The following ZDHHC17 variants were observed in gnomAD, a reference collection of about 807,000 sequenced individuals.
ZDHHC17 encodes the protein zDHHC palmitoyltransferase 17, also known as palmitoyltransferase ZDHHC17.
Under a neutral mutation model 90.3 loss-of-function variants are expected in ZDHHC17, and 40 were observed. The observed-to-expected ratio is 0.44, with a 90% CI of 0.34 to 0.58. ZDHHC17 has a LOEUF of 0.58. Ranked by LOEUF, ZDHHC17 falls within the 20% of genes least tolerant of loss-of-function variation. ZDHHC17 has a pLI of 0.01. For synonymous variants in ZDHHC17, 235 were observed against 252.4 expected, an observed-to-expected ratio of 0.93 and a Z score of 0.65; for missense variants, 614 against 780.8, an observed-to-expected ratio of 0.79 and a Z score of 2.55.
At position 76,828,420 on chromosome 12, in the gene ZDHHC17, A is replaced by G; in HGVS notation, c.1071A>G (p.Ala357=). ...TTTTCGATCATTCAATGCATAGTGC[A>G]TTGCCCCTTGGGATATATTTGGCAA... ...KSFFDHSMHS[A]LPLGIYLATK... is the part of the protein sequence containing the mutation. Residue 357 remains alanine, a synonymous_variant, in exon 10 of 17, where the codon GCA becomes GCG. Coordinates refer to ENST00000426126, the MANE Select transcript of ZDHHC17 (RefSeq NM_015336.4). 1.2e-6 allele frequency: 2 copies of G among 1,612,718 alleles called. No homozygotes were observed. The highest frequency in any genetic ancestry group is 1.7e-6 in the Non-Finnish European group (2 of 1,179,288).
chr12:76,815,785 T>G, intron 6 of ZDHHC17, 72 bp from the exon 7 acceptor site: 1 of 1,405,544 alleles, frequency 7.1e-7, no homozygotes, highest in Non-Finnish European at 9.3e-7. Flanking sequence ...ATCAGTTTAG[T>G]ATTTGTAATG....
intron 10 of ZDHHC17, among the ~76,000 whole-genome samples, chr12:76,839,556 GA>G (rs1953407015): frequency 6.6e-6 from 1 of 152,058 alleles, no homozygotes; most frequent in African/African-American, 2.4e-5. Context: ...AATAAAATGA[GA>G]GCTGCATTTC....
chr12:76,811,134 A>G (rs116387261), intron 5 of ZDHHC17, among the ~76,000 whole-genome samples: 2,118 of 150,200 alleles, frequency 0.014, 47 homozygotes, highest in African/African-American at 0.049. Context: ...TCTCCATTCT[A>G]TCAGTTAAAG....
In ZDHHC17 at chr12:76,815,093, G is replaced by A. The variant is rs1953068700; in HGVS notation, c.544-53G>A. The A allele has an allele frequency of 3.0e-6, 4 of 1,334,356 alleles. No homozygotes were observed. The Admixed American group carries it at 8.8e-5, about 29-fold the overall frequency. 82.7% of individuals were successfully genotyped at this position (1,334,356 alleles called of 1,614,324 possible). On this transcript the variant is annotated intron_variant, in intron 5 of 16. Coordinates refer to ENST00000426126, the MANE Select transcript of ZDHHC17 (RefSeq NM_015336.4). Reference sequence around the variant, plus strand: ...AGATTAGATTTTTCCAAGCAAATTTGGTTAGGAACTTATAATTTAACTGTC... The same window carrying A: ...AGATTAGATTTTTCCAAGCAAATTTAGTTAGGAACTTATAATTTAACTGTC...
chr12:76,775,357 G>C (rs1952546911), intron 1 of ZDHHC17, among the ~76,000 whole-genome samples: 1 of 151,970 alleles, frequency 6.6e-6, no homozygotes, highest in African/African-American at 2.4e-5. Context: ...CAGTGTTCTT[G>C]GTGGCTCATA....
intron 10 of ZDHHC17, among the ~76,000 whole-genome samples, chr12:76,835,594 T>C (rs1953353785): frequency 6.6e-6 from 1 of 152,168 alleles, no homozygotes; most frequent in Non-Finnish European, 1.5e-5. Flanking sequence ...TGATTAGTTA[T>C]TGACAACAAC....
rs558799455 is a variant in ZDHHC17, at chr12:76,812,245, G to A, written c.543+2388G>A. Among the ~76,000 whole-genome samples, 15 of 152,192 alleles carry A rather than the reference G, an allele frequency of 9.9e-5. No homozygotes were observed. In the East Asian group the frequency reaches 1.2e-3, roughly 12 times the overall value. On this transcript the variant is annotated intron_variant, in intron 5 of 16. Coordinates refer to ENST00000426126, the MANE Select transcript of ZDHHC17 (RefSeq NM_015336.4). Reference sequence around the variant, plus strand: ...TTTCTCTGTGCTAGAGCACTGTGCCGTTTAACCCCTGGATACCTTTGAGCT... The same window carrying A: ...TTTCTCTGTGCTAGAGCACTGTGCCATTTAACCCCTGGATACCTTTGAGCT...
chr12:76,829,717 C>T (rs1294867963), intron 10 of ZDHHC17, among the ~76,000 whole-genome samples: 1 of 152,134 alleles, frequency 6.6e-6, no homozygotes, highest in East Asian at 1.9e-4. Flanking sequence ...AATCTTCTCA[C>T]CTCTTTTGCC....
At position 76,764,131 on chromosome 12, in the gene ZDHHC17, A is replaced by G. The variant is rs1952394742; in HGVS notation, c.-106A>G. On this transcript the variant is annotated 5_prime_UTR_variant, in exon 1 of 17. Coordinates refer to ENST00000426126, the MANE Select transcript of ZDHHC17 (RefSeq NM_015336.4). ...AGAGGGGGCGTCACGGGGGCAGGAG[A>G]AGAAGGAGGAGGAGGCCCGCGTCGC... The G allele has an allele frequency of 3.6e-6, 3 of 844,594 alleles. No individual in the cohort carries two copies. The highest frequency in any genetic ancestry group is 5.4e-6 in the Non-Finnish European group (3 of 553,472). The allele number at this position is 844,594 out of a possible 1,614,324, so 52.3% of individuals were successfully genotyped here.
intron 4 of ZDHHC17, among the ~76,000 whole-genome samples, chr12:76,809,487 T>A (rs1265438945): frequency 7.9e-5 from 12 of 152,154 alleles, no homozygotes; most frequent in Admixed American, 7.9e-4. Context: ...TTACTATATA[T>A]TTAAATAAGT....
intron 8 of ZDHHC17, among the ~76,000 whole-genome samples, chr12:76,825,382 A>G (rs1334059027): frequency 1.3e-5 from 2 of 152,200 alleles, no homozygotes; most frequent in African/African-American, 4.8e-5. Flanking sequence ...ATATAGTTGA[A>G]AATTTTCCTA....
intron 12 of ZDHHC17, 49 bp from the exon 13 acceptor site, chr12:76,845,660 C>A: frequency 2.6e-6 from 2 of 781,558 alleles, no homozygotes; most frequent in Non-Finnish European, 3.9e-6. Context: ...GTCAGCTTTT[C>A]TCTCTTAGTA....
chr12:76,791,055 AAATAT>A (rs1952753775), intron 1 of ZDHHC17, among the ~76,000 whole-genome samples: 1 of 152,192 alleles, frequency 6.6e-6, no homozygotes, highest in African/African-American at 2.4e-5. Context: ...ACCTGTATTG[AAATAT>A]CACTCTGTAT....
intron 5 of ZDHHC17, among the ~76,000 whole-genome samples, chr12:76,813,877 G>C (rs997316204): frequency 5.9e-5 from 9 of 152,182 alleles, no homozygotes; most frequent in Admixed American, 3.9e-4. Flanking sequence ...AAGAATTAAA[G>C]TAATTTAGCC....
intron 5 of ZDHHC17, among the ~76,000 whole-genome samples, chr12:76,814,929 TAAAAG>T (rs1163498542): frequency 2.0e-5 from 3 of 151,952 alleles, no homozygotes; most frequent in African/African-American, 7.2e-5. Flanking sequence ...TAAAACATCT[TAAAAG>T]GGAATAATGT....
intron 13 of ZDHHC17, among the ~76,000 whole-genome samples, 183 bp downstream of exon 13, chr12:76,845,985 G>A (rs1335749163): frequency 6.6e-6 from 1 of 152,156 alleles, no homozygotes; most frequent in Admixed American, 6.5e-5. Flanking sequence ...TACAAAATTA[G>A]TGGCTGATAC....
chr12:76,811,108 ACACAG>A (rs995252031), intron 5 of ZDHHC17, among the ~76,000 whole-genome samples: 26 of 152,154 alleles, frequency 1.7e-4, no homozygotes, highest in African/African-American at 6.0e-4. Flanking sequence ...TCTTGAACTG[ACACAG>A]CAACGTTTTT....
At chr12:76,773,973 G>A (rs1202060039) in intron 1 of ZDHHC17, among the ~76,000 whole-genome samples, 2 of 152,144 alleles carry the variant, frequency 1.3e-5, no homozygotes, top group Non-Finnish European at 1.5e-5. Context: ...TTCTGGCTGA[G>A]TGCGGTGGCT....
intron 8 of ZDHHC17, among the ~76,000 whole-genome samples, chr12:76,823,589 A>G (rs1249138981): frequency 6.6e-6 from 1 of 152,188 alleles, no homozygotes; most frequent in African/African-American, 2.4e-5. Context: ...AGTTTTGAGT[A>G]CCATCTTTTG....
Sources: gnomAD v4.1 joint callset for allele counts (sites outside exome capture counted in the v4.1 genomes callset) on GRCh38, gnomAD v4.1.1 for gene constraint, MANE v1.5 for transcripts, NCBI Gene and HGNC (gene_info 2026-07-23, HGNC 2026-07-21) for gene names.